Variants in CD33 observed in about 807,000 individuals in gnomAD.
CD33 encodes the protein myeloid cell surface antigen CD33.
Under a neutral mutation model 31.4 loss-of-function variants are expected in CD33, and 25 were observed. The observed-to-expected ratio is 0.80, with a 90% CI of 0.58 to 1.11. The LOEUF is 1.11. Among genes scored for constraint, CD33 ranks in the 50% most tolerant of loss-of-function variants. The probability of loss-of-function intolerance (pLI) is 0.00; values close to 1 mark genes in which losing one functional copy is unlikely to be tolerated. For missense variants in CD33, 407 were observed against 448.1 expected (o/e 0.91, Z 0.83); for synonymous variants, 176 against 180.6 (o/e 0.97, Z 0.20).
In CD33 at chr19:51,235,675, C is replaced by G. The variant is rs374978260; in HGVS notation, c.923C>G (p.Pro308Arg). Residue 308 changes from proline (P) to arginine (R), a missense_variant and splice_region_variant, in exon 6 of 7, where the codon CCG becomes CGG. Physicochemically the swap from Pro to Arg is moderately radical, Grantham distance 103. Transcript: ENST00000262262. ...DTHPTTGSAS[P>R]KHQKKSKLHG... is the part of the protein sequence containing the mutation. ...CACCCTACCACAGGGTCAGCCTCCCCGGTGAGTGATGGGGCATCCTGGCAT... is the reference window on the plus strand; with the variant it reads ...CACCCTACCACAGGGTCAGCCTCCCGGGTGAGTGATGGGGCATCCTGGCAT... The G allele has an allele frequency of 6.2e-7, 1 of 1,611,994 alleles. No homozygotes were observed. The highest frequency in any genetic ancestry group is 1.7e-5 in the Admixed American group (1 of 59,774).
At position 51,231,350 on chromosome 19, in the gene CD33, C is replaced by T. The variant is rs555935939; in HGVS notation, c.746-3807C>T. Among the ~76,000 whole-genome samples, 622 of 152,362 alleles carry T rather than the reference C, an allele frequency of 4.1e-3. 4 individuals are homozygous for T. Among genetic ancestry groups the T allele is most frequent in the African/African-American group, 0.014 (599 of 41,584 alleles). ...TATGTACTATTAACTTGTCTTGTCT[C>T]ATTCCTTTGACTCCGCTGGACTTCG... On this transcript the variant is annotated intron_variant, in intron 4 of 6. Coordinates refer to ENST00000262262, the MANE Select transcript of CD33 (RefSeq NM_001772.4).
the CD33 span, among the ~76,000 whole-genome samples, chr19:51,216,281 T>C: frequency 6.7e-6 from 1 of 148,228 alleles, no homozygotes; most frequent in African/African-American, 2.5e-5. Flanking sequence ...TTGTATGATA[T>C]TGAGGGAAGG....
chr19:51,216,221 C>T, the CD33 span, among the ~76,000 whole-genome samples: 3 of 140,676 alleles, frequency 2.1e-5, no homozygotes, highest in East Asian at 2.2e-4. Context: ...AAATGTCACC[C>T]GAGTGTGTGT....
At chr19:51,217,663 C>T in the CD33 span, among the ~76,000 whole-genome samples, 2 of 152,180 alleles carry the variant, frequency 1.3e-5, no homozygotes, top group South Asian at 2.1e-4. Context: ...AAGTCATCCA[C>T]CAATCTTGGC....
chr19:51,237,881 C>A (rs1981904238), intron 6 of CD33: 1 of 152,094 alleles, frequency 6.6e-6, no homozygotes, highest in Admixed American at 6.5e-5. Context: ...GATAATCAAG[C>A]CAAGAGATGA....
intron 4 of CD33, among the ~76,000 whole-genome samples, chr19:51,226,867 A>T (rs562187466): frequency 1.3e-5 from 2 of 151,454 alleles, no homozygotes; most frequent in Non-Finnish European, 2.9e-5. Context: ...TCTCCTTATC[A>T]TTGTTCCCCT....
upstream of CD33, among the ~76,000 whole-genome samples, chr19:51,221,811 G>A (rs984617332): frequency 2.6e-5 from 4 of 152,144 alleles, no homozygotes; most frequent in South Asian, 2.1e-4. Context: ...AGTGAGTTAC[G>A]AGTCAGCAAT....
the CD33 span, among the ~76,000 whole-genome samples, chr19:51,212,886 C>T: frequency 2.0e-5 from 3 of 152,198 alleles, no homozygotes; most frequent in Admixed American, 6.5e-5. Flanking sequence ...TCCTGTAGGA[C>T]GCCTGTGGTA....
the CD33 span, chr19:51,211,968 A>G: frequency 1.6e-6 from 2 of 1,230,096 alleles, no homozygotes; most frequent in Non-Finnish European, 2.4e-6. Context: ...AGTGCTCACG[A>G]TCATCCCATG....
chr19:51,216,248 G>GTGTGTC, the CD33 span, among the ~76,000 whole-genome samples: 1 of 151,360 alleles, frequency 6.6e-6, no homozygotes, highest in African/African-American at 2.4e-5. Context: ...GTGTGTGTGT[G>GTGTGTC]TGTGTGTGTG....
At chr19:51,236,027 T>G (rs542074021) in intron 6 of CD33, 503 of 562,270 alleles carry the variant, frequency 8.9e-4, no homozygotes, top group African/African-American at 3.5e-3. Flanking sequence ...ATGTGGTGGC[T>G]GGCGCCTGTA....
chr19:51,221,250 C>T (rs1183082271), upstream of CD33, among the ~76,000 whole-genome samples: 1 of 152,140 alleles, frequency 6.6e-6, no homozygotes, highest in African/African-American at 2.4e-5. Flanking sequence ...CTCAGATATT[C>T]CTCTATAGCA....
intron 4 of CD33, 113 bp downstream of exon 4, chr19:51,226,469 A>T (rs952206339): frequency 2.3e-6 from 2 of 878,626 alleles, no homozygotes; most frequent in African/African-American, 3.3e-5. Context: ...GCAGTTAGAC[A>T]CGGGTAGACA....
At chr19:51,225,732 G>C (rs987551656) in intron 2 of CD33, 71 bp from the exon 3 acceptor site, 1 of 1,554,842 alleles carries the variant, frequency 6.4e-7, no homozygotes, top group Non-Finnish European at 8.7e-7. Context: ...CTTGACCAGA[G>C]GTTGATCTTC....
At chr19:51,213,718 T>A in the CD33 span, among the ~76,000 whole-genome samples, 1 of 150,570 alleles carries the variant, frequency 6.6e-6, no homozygotes, top group Non-Finnish European at 1.5e-5. Flanking sequence ...TTTTTTTCAG[T>A]AGAGATAGGG....
intron 4 of CD33, among the ~76,000 whole-genome samples, chr19:51,231,413 A>G (rs1215216816): frequency 1.3e-5 from 2 of 152,230 alleles, no homozygotes; most frequent in East Asian, 1.9e-4. Flanking sequence ...GATCACCCCA[A>G]CAAGCTGAGT....
the CD33 span, chr19:51,211,167 G>A: frequency 1.7e-3 from 2,664 of 1,594,158 alleles, 42 homozygotes; most frequent in African/African-American, 0.032. Context: ...CGGGGAGAGG[G>A]GTTGTCGGGC....
intron 6 of CD33, 175 bp downstream of exon 6, chr19:51,235,851 G>C (rs1421353611): frequency 2.8e-6 from 2 of 718,748 alleles, no homozygotes; most frequent in Non-Finnish European, 5.1e-6. Flanking sequence ...ATCAGGAGAT[G>C]ATGGCCATTG....
chr19:51,227,392 T>C (rs1347875617), intron 4 of CD33, among the ~76,000 whole-genome samples: 1 of 152,204 alleles, frequency 6.6e-6, no homozygotes, highest in Admixed American at 6.5e-5. Flanking sequence ...TTAATTTTCA[T>C]CTTTTTTTTA....
Sources: allele counts gnomAD v4.1 joint callset (sites outside exome capture counted in the v4.1 genomes callset), GRCh38; gene constraint gnomAD v4.1.1; transcripts MANE v1.5; gene names NCBI Gene and HGNC (gene_info 2026-07-23, HGNC 2026-07-21).